The following ZFP3 variants were observed in gnomAD, a reference collection of about 807,000 sequenced individuals.
The protein encoded by ZFP3 is ZFP3 zinc finger protein.
In ZFP3, 18 loss-of-function variants were observed where a neutral mutation model predicts 36.7. That is an observed-to-expected ratio of 0.49 (90% confidence interval 0.34 to 0.73). The LOEUF is 0.73. ZFP3 is among the 30% of genes least tolerant of loss of function. ZFP3 has a pLI of 0.01. For missense variants in ZFP3, 495 were observed against 599.0 expected (o/e 0.83, Z 1.81); for synonymous variants, 218 against 199.0 (o/e 1.10, Z -0.81).
rs748037563 is a variant in ZFP3 at position 5,092,747 on chromosome 17, C to G, written c.1243C>G (p.His415Asp). The change falls in exon 2 of 2, where the codon CAT becomes GAT. Residue 415 changes from histidine (H) to aspartate (D), a missense_variant. Physicochemically the swap from His to Asp is moderately conservative, Grantham distance 81. Coordinates refer to ENST00000318833, the MANE Select transcript of ZFP3 (RefSeq NM_153018.3). This position sits in a 1 kb window ranked among gnomAD's most constrained non-coding sequence, Gnocchi z 5.0. Reference sequence around the variant, plus strand: ...TCACCTTATTGTCCACCAGAGAATTCATACTGGAGAGAAACCCCATCAATG... The same window carrying G: ...TCACCTTATTGTCCACCAGAGAATTGATACTGGAGAGAAACCCCATCAATG... ...TSHLIVHQRI[H>D]TGEKPHQCNE... The G allele has an allele frequency of 1.2e-5, 20 of 1,614,030 alleles. No homozygotes were observed. The Admixed American group carries it at 3.3e-4, about 27-fold the overall frequency.
At chr17:5,091,459 G>T in intron 1 of ZFP3, 38 bp from the exon 2 acceptor site, 1 of 1,574,078 alleles carries the variant, frequency 6.4e-7, no homozygotes, top group Non-Finnish European at 8.6e-7. Context: ...ATTTAAATAT[G>T]ATACGGTCCC....
chr17:5,093,783 A>T lies in ZFP3; in HGVS notation c.*770A>T, dbSNP rs1418946117. 6.0e-6 allele frequency: 1 copy of T among 167,076 alleles called. No homozygotes were observed. Among genetic ancestry groups the T allele is most frequent in the Admixed American group, 6.5e-5 (1 of 15,280 alleles). 10.3% of individuals were successfully genotyped at this position (167,076 alleles called of 1,614,324 possible). A position where few individuals can be genotyped will look rare whatever the true frequency, so the allele number is the denominator to read the frequency against. ...CTGAAGAGGCTGCCATGATGGAGGA[A>T]CTGACAGGCAATTTACAACGGGATT... On this transcript the variant is annotated 3_prime_UTR_variant, in exon 2 of 2. Transcript: ENST00000318833.
intron 1 of ZFP3, among the ~76,000 whole-genome samples, chr17:5,087,990 T>G (rs1465842760): frequency 6.6e-6 from 1 of 152,164 alleles, no homozygotes; most frequent in Non-Finnish European, 1.5e-5. Flanking sequence ...TCGTGACTGT[T>G]TCTTTGACTC....
chr17:5,079,995 C>T (rs888114301), intron 1 of ZFP3, among the ~76,000 whole-genome samples: 6 of 151,716 alleles, frequency 4.0e-5, no homozygotes, highest in Non-Finnish European at 5.9e-5. Flanking sequence ...GCCAAGATTG[C>T]GCCATTGCAC....
intron 1 of ZFP3, among the ~76,000 whole-genome samples, chr17:5,083,517 G>C (rs2072104871): frequency 6.7e-6 from 1 of 150,280 alleles, no homozygotes; most frequent in Non-Finnish European, 1.5e-5. Flanking sequence ...CTGCACTCCA[G>C]CTGGGGAACA....
intron 1 of ZFP3, among the ~76,000 whole-genome samples, chr17:5,086,354 G>C (rs1479579134): frequency 6.6e-6 from 1 of 152,062 alleles, no homozygotes; most frequent in African/African-American, 2.4e-5. Context: ...AGAGAGAAGG[G>C]GAGTCCAAAG....
Position 5,092,143 on chromosome 17 carries a change from T to C in ZFP3, c.639T>C (p.Ile213=), listed in dbSNP as rs2072153508. Residue 213 remains isoleucine, a synonymous_variant, in exon 2 of 2, where the codon ATT becomes ATC. Coordinates refer to ENST00000318833, the MANE Select transcript of ZFP3 (RefSeq NM_153018.3). This position sits in a 1 kb window ranked among gnomAD's most constrained non-coding sequence, Gnocchi z 5.0. ...CCTTCATTCAGAGTTCACACCTTAT[T>C]CACCATCATAGAATTCATACTGGAG... The part of the protein sequence containing the change: ...GKAFIQSSHL[I]HHHRIHTGER... 1 of 1,614,066 alleles carries C rather than the reference T, an allele frequency of 6.2e-7. No homozygotes were observed. The highest frequency in any genetic ancestry group is 8.5e-7 in the Non-Finnish European group (1 of 1,180,042).
At position 5,095,957 on chromosome 17, in the gene ZFP3, GC is replaced by G. The variant is rs1488969525; in HGVS notation, c.*2948del. On this transcript the variant is annotated 3_prime_UTR_variant, in exon 2 of 2. Transcript: ENST00000318833. ...TACCATATATAGATACATATTCCCCGCCCCGCCCCAGATTTCTGGTGAATGA... is the reference window on the plus strand; with the variant it reads ...TACCATATATAGATACATATTCCCCGCCCGCCCCAGATTTCTGGTGAATGA... 6.0e-6 allele frequency: 1 copy of G among 166,724 alleles called. No individual in the cohort carries two copies. The highest frequency in any genetic ancestry group is 2.4e-5 in the African/African-American group (1 of 41,300). 10.3% of individuals were successfully genotyped at this position (166,724 alleles called of 1,614,324 possible). A position where few individuals can be genotyped will look rare whatever the true frequency, so the allele number is the denominator to read the frequency against.
In ZFP3 at chr17:5,093,089, AC is replaced by A; in HGVS notation, c.*80del. ...ATTTGTTCATAATATGCAAATATGC[AC>A]CCCAAGTATTCAAATCCAATGAATG... On this transcript the variant is annotated 3_prime_UTR_variant, in exon 2 of 2. Transcript: ENST00000318833. 2 of 1,409,996 alleles carry A rather than the reference AC, an allele frequency of 1.4e-6. No homozygotes were observed. The highest frequency in any genetic ancestry group is 9.5e-7 in the Non-Finnish European group (1 of 1,048,528). The allele number at this position is 1,409,996 out of a possible 1,614,324, so 87.3% of individuals were successfully genotyped here.
In ZFP3 at chr17:5,095,254, CAG is replaced by C. The variant is rs575438798; in HGVS notation, c.*2244_*2245del. On this transcript the variant is annotated 3_prime_UTR_variant, in exon 2 of 2. Coordinates refer to ENST00000318833, the MANE Select transcript of ZFP3 (RefSeq NM_153018.3). The stretch of plus-strand genomic sequence containing the variant: ...AAAGGGTTGTACAAATAGATGATTG[CAG>C]AGTTTCCACATCCTTCCAGATACCT... 9 of 167,208 alleles carry C rather than the reference CAG, an allele frequency of 5.4e-5. No homozygotes were observed. The highest frequency in any genetic ancestry group is 6.8e-3 in the Middle Eastern group (2 of 296). The allele number at this position is 167,208 out of a possible 1,614,324, so 10.4% of individuals were successfully genotyped here.
chr17:5,078,497 A>T lies in ZFP3; in HGVS notation c.-87A>T, dbSNP rs537243180. On this transcript the variant is annotated 5_prime_UTR_variant, in exon 1 of 2. Coordinates refer to ENST00000318833, the MANE Select transcript of ZFP3 (RefSeq NM_153018.3). The surrounding 1 kb of genome is among the most constrained non-coding windows in gnomAD (Gnocchi z 4.5). ...CCGTCGCCAGTGACACCGGGACAAC[A>T]GCTGCGGGCTCTGTGCGAGCGGCCC... 1 of 152,394 alleles carries T rather than the reference A, an allele frequency of 6.6e-6. No homozygotes were observed. Among genetic ancestry groups the T allele is most frequent in the South Asian group, 2.1e-4 (1 of 4,828 alleles). 9.4% of individuals were successfully genotyped at this position (152,394 alleles called of 1,614,324 possible).
chr17:5,093,924 C>T lies in ZFP3; in HGVS notation c.*911C>T, dbSNP rs987549737. ...AGCTCTTCAGGAGCTGTCCACACTT[C>T]AGGGGTGCTCAGACTGACTGCTCCT... On this transcript the variant is annotated 3_prime_UTR_variant, in exon 2 of 2. Transcript: ENST00000318833. The T allele has an allele frequency of 6.0e-6, 1 of 167,194 alleles. No homozygotes were observed. Among genetic ancestry groups the T allele is most frequent in the Non-Finnish European group, 1.5e-5 (1 of 68,154 alleles). 10.4% of individuals were successfully genotyped at this position (167,194 alleles called of 1,614,324 possible).
At chr17:5,090,497 T>C (rs560494419) in intron 1 of ZFP3, among the ~76,000 whole-genome samples, 2 of 152,354 alleles carry the variant, frequency 1.3e-5, no homozygotes, top group East Asian at 3.9e-4. Context: ...GCGGTACTTC[T>C]GTGCTAGTTA....
chr17:5,090,420 T>C (rs1168020537), intron 1 of ZFP3, among the ~76,000 whole-genome samples: 2 of 152,174 alleles, frequency 1.3e-5, no homozygotes, highest in African/African-American at 4.8e-5. Flanking sequence ...GTAAATGGTA[T>C]TGACACAATT....
intron 1 of ZFP3, among the ~76,000 whole-genome samples, chr17:5,082,712 C>T (rs2072100659): frequency 6.6e-6 from 1 of 152,046 alleles, no homozygotes; most frequent in African/African-American, 2.4e-5. Flanking sequence ...TGTAATTTTT[C>T]TAGAGACAGG....
chr17:5,091,744 C>G lies in ZFP3; in HGVS notation c.240C>G (p.Pro80=). The change falls in exon 2 of 2, where the codon CCC becomes CCG. Residue 80 remains proline, a synonymous_variant. Transcript: ENST00000318833. ...GGTTGATGATCTTTAAGAAATCACC[C>G]TCAAGTGAGAAAGACCGGGAGAATA... ...PSGLMIFKKS[P]SSEKDRENNE... 2 of 1,614,146 alleles carry G rather than the reference C, an allele frequency of 1.2e-6. No homozygotes were observed. Among genetic ancestry groups the G allele is most frequent in the South Asian group, 2.2e-5 (2 of 91,086 alleles).
chr17:5,083,324 G>T (rs1402589946), intron 1 of ZFP3, among the ~76,000 whole-genome samples: 2 of 152,134 alleles, frequency 1.3e-5, no homozygotes, highest in African/African-American at 4.8e-5. Context: ...TTGGGACGCC[G>T]AGGTGGATGG....
rs3744707 is a variant in ZFP3 at position 5,093,881 on chromosome 17, C to T, written c.*868C>T. The T allele has an allele frequency of 0.061, 10,254 of 167,250 alleles. 314 individuals are homozygous for T. The highest frequency in any genetic ancestry group is 0.092 in the Admixed American group (1,415 of 15,308). The allele number at this position is 167,250 out of a possible 1,614,324, so 10.4% of individuals were successfully genotyped here. A position where few individuals can be genotyped will look rare whatever the true frequency, so the allele number is the denominator to read the frequency against. On this transcript the variant is annotated 3_prime_UTR_variant, in exon 2 of 2. Transcript: ENST00000318833. ...GGGATAAACAATTGAGGTCACACTG[C>T]TCGGCATGGGCAGAAGCAGCTCTTC...
intron 1 of ZFP3, 66 bp from the exon 2 acceptor site, chr17:5,091,431 T>C: frequency 1.3e-6 from 2 of 1,483,494 alleles, no homozygotes; most frequent in Non-Finnish European, 1.8e-6. Flanking sequence ...AGCTCTGTTG[T>C]CCTCTAGTGT....
Sources: allele counts gnomAD v4.1 joint callset (sites outside exome capture counted in the v4.1 genomes callset), GRCh38; gene constraint gnomAD v4.1.1; non-coding constraint Gnocchi (gnomAD v3.1); transcripts MANE v1.5; gene names NCBI Gene and HGNC (gene_info 2026-07-23, HGNC 2026-07-21).